The following SNAP23 variants were observed in gnomAD, a reference collection of about 807,000 sequenced individuals.
The protein encoded by SNAP23 is synaptosome associated protein 23.
SNAP23 carries 11 observed loss-of-function variants against 29.0 expected under a neutral mutation model. The observed-to-expected ratio is 0.38, with a 90% CI of 0.24 to 0.63. The LOEUF (loss-of-function observed/expected upper bound fraction) is 0.63. Among genes scored for constraint, SNAP23 ranks in the 20% least tolerant of loss-of-function variants. SNAP23 has a pLI of 0.58. For missense variants in SNAP23, 220 were observed against 253.9 expected, an observed-to-expected ratio of 0.87 and a Z score of 0.91; for synonymous variants, 60 against 82.9, an observed-to-expected ratio of 0.72 and a Z score of 1.50.
At chr15:42,510,567 A>G (rs2057351740) in intron 1 of SNAP23, among the ~76,000 whole-genome samples, 1 of 152,168 alleles carries the variant, frequency 6.6e-6, no homozygotes, top group Non-Finnish European at 1.5e-5. Context: ...AGAGCCATGT[A>G]AATACTTTGA....
chr15:42,504,501 A>C (rs963704250), intron 1 of SNAP23, among the ~76,000 whole-genome samples: 9 of 152,238 alleles, frequency 5.9e-5, no homozygotes, highest in Non-Finnish European at 1.2e-4. Flanking sequence ...AGCTACATTT[A>C]CATAAATGTG....
At chr15:42,515,442 C>T in intron 5 of SNAP23, 88 bp downstream of exon 5, 1 of 743,862 alleles carries the variant, frequency 1.3e-6, no homozygotes, top group Non-Finnish European at 2.3e-6. Flanking sequence ...TATGACTGGG[C>T]TTAATGAGGA....
intron 7 of SNAP23, among the ~76,000 whole-genome samples, chr15:42,530,627 A>G (rs1050248761): frequency 3.3e-5 from 5 of 152,020 alleles, no homozygotes; most frequent in African/African-American, 4.8e-5. Flanking sequence ...GCATGTGCCT[A>G]TTGTCCCAGT....
chr15:42,532,595 T>C lies in SNAP23; in HGVS notation c.*1117T>C, dbSNP rs1389392278. 6.5e-6 allele frequency: 1 copy of C among 152,682 alleles called. No homozygotes were observed. Among genetic ancestry groups the C allele is most frequent in the African/African-American group, 2.4e-5 (1 of 41,466 alleles). 9.5% of individuals were successfully genotyped at this position (152,682 alleles called of 1,614,324 possible). A position where few individuals can be genotyped will look rare whatever the true frequency, so the allele number is the denominator to read the frequency against. ...TCTTTGAAGAAAAAATATGTAAATA[T>C]ATATGTGTAACATGAGAATTTCTCT... is the stretch of plus-strand genomic sequence containing the variant. On this transcript the variant is annotated 3_prime_UTR_variant, in exon 8 of 8. Transcript: ENST00000249647.
At chr15:42,507,793 C>T (rs2141516609) in intron 1 of SNAP23, among the ~76,000 whole-genome samples, 1 of 152,272 alleles carries the variant, frequency 6.6e-6, no homozygotes, top group South Asian at 2.1e-4. Flanking sequence ...TGTCTTTGTC[C>T]TTCCCCTTAC....
At chr15:42,503,704 T>C (rs925339195) in intron 1 of SNAP23, among the ~76,000 whole-genome samples, 5 of 152,004 alleles carry the variant, frequency 3.3e-5, no homozygotes, top group Non-Finnish European at 5.9e-5. Flanking sequence ...GGTTTTTCCA[T>C]GTTGGCCAGT....
chr15:42,498,389 C>T (rs2057241354), intron 1 of SNAP23, among the ~76,000 whole-genome samples: 1 of 152,212 alleles, frequency 6.6e-6, no homozygotes, highest in African/African-American at 2.4e-5. Context: ...CTTCTGTGCA[C>T]CTGCAGGCCC....
upstream of SNAP23, among the ~76,000 whole-genome samples, chr15:42,494,804 C>T (rs2057202569): frequency 6.6e-6 from 1 of 152,130 alleles, no homozygotes; most frequent in South Asian, 2.1e-4. Flanking sequence ...CAGGCGTGAG[C>T]CACTGTGCCT....
chr15:42,498,782 A>G (rs1181913415), intron 1 of SNAP23, among the ~76,000 whole-genome samples: 1 of 152,212 alleles, frequency 6.6e-6, no homozygotes, highest in Non-Finnish European at 1.5e-5. Context: ...AGCAAATAAG[A>G]GAAACACCTT....
upstream of SNAP23, among the ~76,000 whole-genome samples, chr15:42,491,847 T>G (rs111839840): frequency 0.048 from 7,377 of 152,142 alleles, 589 homozygotes; most frequent in African/African-American, 0.17. Context: ...CTTCCAAAGT[T>G]CTGGGATTGC....
upstream of SNAP23, among the ~76,000 whole-genome samples, chr15:42,492,295 G>T (rs982877634): frequency 6.6e-6 from 1 of 152,138 alleles, no homozygotes; most frequent in Admixed American, 6.6e-5. Context: ...TAAATGAAAT[G>T]ACATTCAGGT....
chr15:42,501,943 T>C (rs1239630994), intron 1 of SNAP23, among the ~76,000 whole-genome samples: 5 of 152,076 alleles, frequency 3.3e-5, no homozygotes, highest in Non-Finnish European at 7.4e-5. Context: ...ACTACTATAC[T>C]ATGTTGTCTT....
chr15:42,513,210 G>A, intron 3 of SNAP23, 189 bp from the exon 4 acceptor site: 4 of 748,480 alleles, frequency 5.3e-6, no homozygotes, highest in Non-Finnish European at 9.6e-6. Flanking sequence ...TTCACTATGA[G>A]TTTGTGACTT....
At chr15:42,527,639 G>A (rs1193596526) in intron 5 of SNAP23, among the ~76,000 whole-genome samples, 1 of 151,914 alleles carries the variant, frequency 6.6e-6, no homozygotes, top group East Asian at 2.0e-4. Flanking sequence ...GGAGGCCGAG[G>A]TGGATGGATC....
At chr15:42,513,333 T>C (rs1362424270) in intron 3 of SNAP23, 66 bp from the exon 4 acceptor site, 1 of 1,379,676 alleles carries the variant, frequency 7.2e-7, no homozygotes, top group Non-Finnish European at 1.0e-6. Flanking sequence ...GTTGCTCTTG[T>C]AGGTTTTGTT....
At chr15:42,512,803 G>A in intron 2 of SNAP23, 152 bp from the exon 3 acceptor site, 1 of 612,330 alleles carries the variant, frequency 1.6e-6, no homozygotes, top group South Asian at 2.0e-5. Flanking sequence ...TCCTGCCTCG[G>A]CCTCCCAAAG....
At chr15:42,518,691 T>C (rs961346992) in intron 5 of SNAP23, among the ~76,000 whole-genome samples, 12 of 152,154 alleles carry the variant, frequency 7.9e-5, no homozygotes, top group African/African-American at 2.9e-4. Context: ...AGTGCTGGGA[T>C]TGCAGGCATG....
chr15:42,509,866 C>G (rs1215023755), intron 1 of SNAP23, among the ~76,000 whole-genome samples: 1 of 152,164 alleles, frequency 6.6e-6, no homozygotes, highest in African/African-American at 2.4e-5. Flanking sequence ...GTCTGGAGTT[C>G]GAGATCAGCC....
chr15:42,502,305 T>C (rs760967420), intron 1 of SNAP23, among the ~76,000 whole-genome samples: 1 of 152,192 alleles, frequency 6.6e-6, no homozygotes, highest in Non-Finnish European at 1.5e-5. Flanking sequence ...ATTACAGGCA[T>C]GAGCCACTGC....
Sources: allele counts gnomAD v4.1 joint callset (sites outside exome capture counted in the v4.1 genomes callset), GRCh38; gene constraint gnomAD v4.1.1; transcripts MANE v1.5; gene names NCBI Gene and HGNC (gene_info 2026-07-23, HGNC 2026-07-21).